Variants in RAB38 observed in about 807,000 individuals in gnomAD.
RAB38 encodes the protein ras-related protein Rab-38.
In RAB38, 15 loss-of-function variants were observed where a neutral mutation model predicts 18.4. That is an observed-to-expected ratio of 0.82 (90% CI 0.55 to 1.26). The LOEUF is 1.26. Among genes scored for constraint, RAB38 ranks in the 50% most tolerant of loss-of-function variants. The pLI, the probability that RAB38 is intolerant of heterozygous loss-of-function variation, is 0.00. For missense variants in RAB38, 294 were observed against 267.4 expected (o/e 1.10, Z -0.69); for synonymous variants, 101 against 104.4 (o/e 0.97, Z 0.20).
the RAB38 span, among the ~76,000 whole-genome samples, chr11:87,858,350 C>T: frequency 6.6e-6 from 1 of 152,030 alleles, no homozygotes; most frequent in Non-Finnish European, 1.5e-5. Context: ...TCTCTTTAAT[C>T]CTCTACTCTG....
At chr11:87,944,286 A>G in the RAB38 span, among the ~76,000 whole-genome samples, 1 of 152,190 alleles carries the variant, frequency 6.6e-6, no homozygotes, top group East Asian at 1.9e-4. Flanking sequence ...ACAAAAAAAC[A>G]AAAAGCATTA....
At chr11:87,826,871 C>T in the RAB38 span, among the ~76,000 whole-genome samples, 21 of 152,250 alleles carry the variant, frequency 1.4e-4, no homozygotes, top group African/African-American at 4.3e-4. Context: ...ACCTCTTCAC[C>T]ATACTCAGTA....
chr11:87,871,292 A>G, the RAB38 span, among the ~76,000 whole-genome samples: 1 of 151,554 alleles, frequency 6.6e-6, no homozygotes, highest in Non-Finnish European at 1.5e-5. Context: ...ACCGTCTGCC[A>G]CCAGTTCCCT....
the RAB38 span, among the ~76,000 whole-genome samples, chr11:87,924,591 A>G: frequency 6.6e-6 from 1 of 152,006 alleles, no homozygotes; most frequent in Non-Finnish European, 1.5e-5. Flanking sequence ...TTCACCAGGC[A>G]ACAGATTTTG....
At chr11:88,144,659 G>A (rs1312198317) in intron 2 of RAB38, among the ~76,000 whole-genome samples, 4 of 152,102 alleles carry the variant, frequency 2.6e-5, no homozygotes, top group Non-Finnish European at 5.9e-5. Context: ...ATAATTTAAC[G>A]TAAGAAAGCT....
At chr11:87,844,272 G>T in the RAB38 span, among the ~76,000 whole-genome samples, 286 of 152,214 alleles carry the variant, frequency 1.9e-3, no homozygotes, top group African/African-American at 6.5e-3. Context: ...AATTCATTTA[G>T]AACTCAAGGT....
At chr11:88,073,128 T>C in the RAB38 span, among the ~76,000 whole-genome samples, 55,023 of 151,952 alleles carry the variant, frequency 0.36, 10,774 homozygotes, top group South Asian at 0.48. Context: ...ATCTTGTGTT[T>C]CTTGGCAAGA....
At chr11:87,902,888 T>C in the RAB38 span, among the ~76,000 whole-genome samples, 9 of 150,774 alleles carry the variant, frequency 6.0e-5, no homozygotes, top group African/African-American at 1.9e-4. Context: ...TATGTGCATA[T>C]ATATGCATAT....
the RAB38 span, among the ~76,000 whole-genome samples, chr11:87,970,243 C>A: frequency 6.6e-6 from 1 of 151,922 alleles, no homozygotes; most frequent in African/African-American, 2.4e-5. Context: ...AATTAAAATG[C>A]AAAATAAATC....
the RAB38 span, among the ~76,000 whole-genome samples, chr11:87,970,105 A>T: frequency 6.6e-6 from 1 of 152,118 alleles, no homozygotes; most frequent in East Asian, 1.9e-4. Context: ...CAGAAGTAGA[A>T]CTAGTTTGAG....
At chr11:88,042,098 C>G in the RAB38 span, among the ~76,000 whole-genome samples, 1 of 152,086 alleles carries the variant, frequency 6.6e-6, no homozygotes, top group Non-Finnish European at 1.5e-5. Flanking sequence ...TTTATTACAG[C>G]CACATTCAAA....
the RAB38 span, among the ~76,000 whole-genome samples, chr11:88,089,140 AG>A: frequency 6.6e-6 from 1 of 151,950 alleles, no homozygotes; most frequent in Non-Finnish European, 1.5e-5. Flanking sequence ...TTCTCATGTC[AG>A]GGGCAGATTG....
the RAB38 span, among the ~76,000 whole-genome samples, chr11:87,868,639 A>G: frequency 1.0e-5 from 1 of 97,146 alleles, no homozygotes; most frequent in South Asian, 3.2e-4. Flanking sequence ...GAATAAACAA[A>G]AAAGGGATAA....
intron 2 of RAB38, among the ~76,000 whole-genome samples, chr11:88,137,676 G>C (rs938553908): frequency 6.6e-6 from 1 of 152,124 alleles, no homozygotes; most frequent in African/African-American, 2.4e-5. Context: ...TTCAGAACAT[G>C]AGTTTGTAAG....
At chr11:87,976,792 A>G in the RAB38 span, among the ~76,000 whole-genome samples, 1,180 of 95,416 alleles carry the variant, frequency 0.012, 5 homozygotes, top group South Asian at 0.026. Flanking sequence ...ATTATATAAT[A>G]TATACTTATA....
At chr11:87,827,403 T>C in the RAB38 span, among the ~76,000 whole-genome samples, 1 of 152,072 alleles carries the variant, frequency 6.6e-6, no homozygotes, top group East Asian at 1.9e-4. Flanking sequence ...AGTAGTACTC[T>C]ATGAACAATA....
chr11:88,063,150 TA>T, the RAB38 span, among the ~76,000 whole-genome samples: 3 of 152,044 alleles, frequency 2.0e-5, no homozygotes, highest in African/African-American at 7.2e-5. Flanking sequence ...AACAAAACAA[TA>T]AAACAGAATT....
chr11:87,955,873 GCACACACACACACACA>G, the RAB38 span, among the ~76,000 whole-genome samples: 6,376 of 148,610 alleles, frequency 0.043, 194 homozygotes, highest in East Asian at 0.15. Context: ...CAAACAGTAT[GCACACACACACACACA>G]CACACACACA....
At chr11:87,955,149 A>C in the RAB38 span, among the ~76,000 whole-genome samples, 3 of 152,276 alleles carry the variant, frequency 2.0e-5, no homozygotes, top group African/African-American at 7.2e-5. Context: ...GAAGTCCATG[A>C]AAGCCACATT....
Sources: allele counts gnomAD v4.1 joint callset (sites outside exome capture counted in the v4.1 genomes callset), GRCh38; gene constraint gnomAD v4.1.1; transcripts MANE v1.5; gene names NCBI Gene and HGNC (gene_info 2026-07-23, HGNC 2026-07-21).